Variants in TBC1D14 observed in about 807,000 individuals in gnomAD.
The protein encoded by TBC1D14 is TBC1 domain family, member 14.
A neutral mutation model predicts 79.0 loss-of-function variants in TBC1D14; 26 were observed. The observed-to-expected ratio is 0.33, with a 90% CI of 0.24 to 0.46. TBC1D14 has a LOEUF of 0.46. Among genes scored for constraint, TBC1D14 ranks in the 20% least tolerant of loss-of-function variants. The pLI is 1.00. For missense variants in TBC1D14, 769 were observed against 887.6 expected (o/e 0.87, Z 1.70); for synonymous variants, 394 against 349.9 (o/e 1.13, Z -1.40).
At chr4:6,921,898 T>C (rs1180769216) in intron 1 of TBC1D14, among the ~76,000 whole-genome samples, 4 of 152,064 alleles carry the variant, frequency 2.6e-5, no homozygotes, top group Non-Finnish European at 4.4e-5. Context: ...GGTTTCACCA[T>C]GTTGGCCAGG....
In TBC1D14 at chr4:6,999,115, A is replaced by T. The variant is rs751779634; in HGVS notation, c.1076A>T (p.Gln359Leu). 1 of 1,614,226 alleles carries T rather than the reference A, an allele frequency of 6.2e-7. No homozygotes were observed. Among genetic ancestry groups the T allele is most frequent in the Non-Finnish European group, 8.5e-7 (1 of 1,180,028 alleles). ...ELKEAQRRKK[Q>L]LEERCRVEES... The stretch of plus-strand genomic sequence containing the variant: ...AAAGAAGCCCAGCGAAGGAAGAAGC[A>T]GCTGGAAGAAAGATGCAGAGTCGAG... The change falls in exon 6 of 14, where the codon CAG (glutamine) becomes CTG (leucine). Residue 359 changes from glutamine (Q) to leucine (L), a missense_variant. Gln to Leu is a moderately radical substitution (Grantham distance 113). Around this residue, in one of 2 missense-constraint regions of TBC1D14, gnomAD observed 367 missense variants for 494.4 expected, o/e 0.74. Coordinates refer to ENST00000409757, the MANE Select transcript of TBC1D14 (RefSeq NM_020773.3).
At chr4:6,934,597 G>A (rs1276269248) in intron 2 of TBC1D14, among the ~76,000 whole-genome samples, 1 of 151,830 alleles carries the variant, frequency 6.6e-6, no homozygotes, top group Non-Finnish European at 1.5e-5. Context: ...GGCAGAGCTT[G>A]CAGTGGGCTG....
chr4:6,942,313 G>A lies in TBC1D14; in HGVS notation c.722+18202G>A, dbSNP rs145949129. ...AGATTGCCACATCAAATCAGTTCCT[G>A]TTTATGTTGAGCGAGCTGGGTTTGT... is the stretch of plus-strand genomic sequence containing the variant. On this transcript the variant is annotated intron_variant, in intron 2 of 13. Transcript: ENST00000409757. Among the ~76,000 whole-genome samples the A allele has an allele frequency of 2.3e-3, 354 of 152,228 alleles. 1 individual carries two copies. The highest frequency in any genetic ancestry group is 4.1e-3 in the Non-Finnish European group (281 of 68,014).
intron 8 of TBC1D14, 70 bp from the exon 9 acceptor site, chr4:7,006,562 T>C (rs1720215126): frequency 1.4e-6 from 2 of 1,438,238 alleles, no homozygotes; most frequent in Admixed American, 1.9e-5. Flanking sequence ...CTTGTAAAAC[T>C]TCAAAGGCTC....
At chr4:6,911,264 C>T (rs1722965629) in intron 1 of TBC1D14, among the ~76,000 whole-genome samples, 1 of 152,206 alleles carries the variant, frequency 6.6e-6, no homozygotes, top group Non-Finnish European at 1.5e-5. Context: ...GAGAGCCTGG[C>T]ATGAACTTGG....
At chr4:6,981,688 G>A (rs765657655) in intron 3 of TBC1D14, among the ~76,000 whole-genome samples, 1 of 152,158 alleles carries the variant, frequency 6.6e-6, no homozygotes, top group Non-Finnish European at 1.5e-5. Context: ...ACAAAGTGAC[G>A]TTTAGCCCAG....
intron 12 of TBC1D14, among the ~76,000 whole-genome samples, chr4:7,023,315 A>G (rs191551049): frequency 3.6e-4 from 55 of 152,296 alleles, no homozygotes; most frequent in African/African-American, 1.2e-3. Flanking sequence ...TTTTTTTCTC[A>G]GGACTCTGCT....
At chr4:6,968,733 T>C (rs1397450604) in intron 3 of TBC1D14, among the ~76,000 whole-genome samples, 8 of 85,170 alleles carry the variant, frequency 9.4e-5, no homozygotes, top group Admixed American at 7.0e-4. Flanking sequence ...CCATGGGGCC[T>C]GTGCGCTGCA....
chr4:6,973,048 C>G (rs977535126), intron 3 of TBC1D14, among the ~76,000 whole-genome samples: 5 of 152,136 alleles, frequency 3.3e-5, no homozygotes, highest in African/African-American at 1.2e-4. Flanking sequence ...GAGGGTGCTG[C>G]TGATTGTTGG....
At position 6,923,791 on chromosome 4, in the gene TBC1D14, C is replaced by T. The variant is rs1285435656; in HGVS notation, c.402C>T (p.Gly134=). 1 of 1,614,150 alleles carries T rather than the reference C, an allele frequency of 6.2e-7. No homozygotes were observed. Among genetic ancestry groups the T allele is most frequent in the Non-Finnish European group, 8.5e-7 (1 of 1,180,052 alleles). Residue 134 remains glycine (G), a synonymous_variant, in exon 2 of 14, where the codon GGC becomes GGT. Coordinates refer to ENST00000409757, the MANE Select transcript of TBC1D14 (RefSeq NM_020773.3). ...VRKSSTFPRT[G]YDSVKLYSPT... ...AATCCTCCACGTTTCCCAGGACAGGCTATGACTCGGTAAAGCTCTATAGCC... is the reference window on the plus strand; with the variant it reads ...AATCCTCCACGTTTCCCAGGACAGGTTATGACTCGGTAAAGCTCTATAGCC...
chr4:7,027,608 A>G (rs1401724250), intron 13 of TBC1D14, among the ~76,000 whole-genome samples: 2 of 121,390 alleles, frequency 1.6e-5, no homozygotes, highest in Non-Finnish European at 3.5e-5. Context: ...CAATTACCCT[A>G]CACAGTCACA....
At chr4:7,013,885 A>G (rs1721025774) in intron 11 of TBC1D14, among the ~76,000 whole-genome samples, 1 of 151,942 alleles carries the variant, frequency 6.6e-6, no homozygotes, top group African/African-American at 2.4e-5. Flanking sequence ...CTGGGACTAC[A>G]GGCGCCCGCC....
At chr4:6,915,527 A>G (rs1428923303) in intron 1 of TBC1D14, among the ~76,000 whole-genome samples, 1 of 152,186 alleles carries the variant, frequency 6.6e-6, no homozygotes, top group African/African-American at 2.4e-5. Context: ...CTTGAGTTCA[A>G]GCCCAGCTCC....
intron 3 of TBC1D14, among the ~76,000 whole-genome samples, chr4:6,988,323 T>C (rs1718095902): frequency 6.6e-6 from 1 of 152,262 alleles, no homozygotes; most frequent in African/African-American, 2.4e-5. Context: ...CATACTCCTA[T>C]CATTTCTGGG....
chr4:7,002,809 A>T (rs545787968), intron 7 of TBC1D14, among the ~76,000 whole-genome samples: 3 of 152,162 alleles, frequency 2.0e-5, no homozygotes, highest in South Asian at 4.1e-4. Context: ...ACACAAACAA[A>T]CTTGGTTGCT....
chr4:7,004,938 T>C lies in TBC1D14; in HGVS notation c.1351+14T>C. 1 of 1,612,330 alleles carries C rather than the reference T, an allele frequency of 6.2e-7. No homozygotes were observed. The highest frequency in any genetic ancestry group is 8.5e-7 in the Non-Finnish European group (1 of 1,178,384). ...TGGAGAACGAAGGTAGAATGTCTTC[T>C]AAAACCAGCGGACTGCTGTGGTCAA... On this transcript the variant is annotated intron_variant, in intron 8 of 13. Coordinates refer to ENST00000409757, the MANE Select transcript of TBC1D14 (RefSeq NM_020773.3).
At chr4:6,987,210 C>A in intron 3 of TBC1D14, 1 of 1,234,782 alleles carries the variant, frequency 8.1e-7, no homozygotes, top group East Asian at 3.3e-5. Flanking sequence ...CGGCCTGCCG[C>A]CCCGCCCCGC....
chr4:6,950,444 G>C (rs1229211727), intron 2 of TBC1D14, among the ~76,000 whole-genome samples: 2 of 152,290 alleles, frequency 1.3e-5, no homozygotes, highest in East Asian at 3.9e-4. Flanking sequence ...CTCCCATTTA[G>C]TGCTGAATTG....
intron 3 of TBC1D14, chr4:6,987,149 C>T (rs1008067231): frequency 4.1e-5 from 48 of 1,181,202 alleles, no homozygotes; most frequent in Admixed American, 9.2e-5. Context: ...CCAGGCCTGA[C>T]GCGCCGAGCC....
Sources: gnomAD v4.1 joint callset for allele counts (sites outside exome capture counted in the v4.1 genomes callset) on GRCh38, gnomAD v4.1.1 for gene constraint, gnomAD v4.1.1 regional missense constraint, MANE v1.5 for transcripts, NCBI Gene and HGNC (gene_info 2026-07-23, HGNC 2026-07-21) for gene names.